Variants in SUPT3H observed in about 807,000 individuals in gnomAD.
SUPT3H encodes SPT3 homolog, SAGA and STAGA complex component, also known as transcription initiation protein SPT3 homolog.
A neutral mutation model predicts 44.3 loss-of-function variants in SUPT3H; 44 were observed. That is an observed-to-expected ratio of 0.99 (90% CI 0.78 to 1.28). The LOEUF (loss-of-function observed/expected upper bound fraction) is 1.28. Among genes scored for constraint, SUPT3H ranks in the 50% most tolerant of loss-of-function variants. The pLI, the probability that SUPT3H is intolerant of heterozygous loss-of-function variation, is 0.00. For synonymous variants in SUPT3H, 124 were observed against 125.6 expected (o/e 0.99, Z 0.09); for missense variants, 380 against 387.1 (o/e 0.98, Z 0.15).
At position 44,998,953 on chromosome 6, in the gene SUPT3H, C is replaced by G. The variant is rs141287652; in HGVS notation, c.504+4700G>C. ...TGTTTAATTTTATATGGACTTTTCT[C>G]GTTGTTACTATCTAAACAGTCTGTG... On this transcript the variant is annotated intron_variant, in intron 6 of 10. Transcript: ENST00000371459. 4.1e-4 allele frequency among the ~76,000 whole-genome samples: 62 copies of G among 151,972 alleles called. No homozygotes were observed. In the Middle Eastern group the frequency reaches 0.01, roughly 25 times the overall value.
intron 2 of SUPT3H, among the ~76,000 whole-genome samples, chr6:45,291,189 AAG>A (rs1282940145): frequency 1.3e-5 from 2 of 152,196 alleles, no homozygotes; most frequent in African/African-American, 4.8e-5. Flanking sequence ...CTAGATCCAG[AAG>A]AGAGATAATC....
intron 10 of SUPT3H, among the ~76,000 whole-genome samples, chr6:44,834,450 G>C (rs981424939): frequency 6.6e-6 from 1 of 152,074 alleles, no homozygotes; most frequent in Non-Finnish European, 1.5e-5. Flanking sequence ...GCCACTGTTA[G>C]GAGCACAGTC....
At chr6:44,950,193 A>G (rs1331319128) in intron 9 of SUPT3H, among the ~76,000 whole-genome samples, 1 of 152,138 alleles carries the variant, frequency 6.6e-6, no homozygotes, top group Non-Finnish European at 1.5e-5. Context: ...ACTACAAGAA[A>G]TGTTTTTCAG....
chr6:44,976,525 C>G (rs1049529848), intron 6 of SUPT3H, among the ~76,000 whole-genome samples: 3 of 151,980 alleles, frequency 2.0e-5, no homozygotes, highest in Non-Finnish European at 2.9e-5. Flanking sequence ...CCATGCCTGG[C>G]TAATTTTTTG....
At chr6:45,105,006 T>A (rs1799075781) in intron 3 of SUPT3H, among the ~76,000 whole-genome samples, 1 of 151,898 alleles carries the variant, frequency 6.6e-6, no homozygotes, top group African/African-American at 2.4e-5. Context: ...TTAGCCCTAA[T>A]AATCATTAAA....
At chr6:45,269,107 T>C (rs927513694) in intron 2 of SUPT3H, among the ~76,000 whole-genome samples, 1 of 152,066 alleles carries the variant, frequency 6.6e-6, no homozygotes, top group African/African-American at 2.4e-5. Context: ...AAGAAAGAAA[T>C]TTGAGCAGCA....
intron 3 of SUPT3H, among the ~76,000 whole-genome samples, chr6:45,089,541 C>T (rs1796883915): frequency 6.6e-6 from 1 of 152,058 alleles, no homozygotes; most frequent in South Asian, 2.1e-4. Context: ...CAAATCTGTG[C>T]TTTCTGACCT....
chr6:45,123,813 G>GT lies in SUPT3H; in HGVS notation c.102-17808dup, dbSNP rs1802017529. ...TGACAGTCCATAGATGAATGAATGT[G>GT]TATAGCTATGCTGCACTAAAACTTA... On this transcript the variant is annotated intron_variant, in intron 2 of 10. Transcript: ENST00000371459. Among the ~76,000 whole-genome samples, 4 of 152,280 alleles carry GT rather than the reference G, an allele frequency of 2.6e-5. No homozygotes were observed. In the South Asian group the frequency reaches 8.3e-4, roughly 32 times the overall value.
intron 2 of SUPT3H, among the ~76,000 whole-genome samples, chr6:45,245,817 G>A (rs1056783562): frequency 6.6e-6 from 1 of 152,022 alleles, no homozygotes; most frequent in South Asian, 2.1e-4. Flanking sequence ...ACAATAGCTG[G>A]ATCATGTGGT....
intron 6 of SUPT3H, among the ~76,000 whole-genome samples, chr6:44,964,736 AT>A (rs2153479368): frequency 1.3e-5 from 2 of 152,280 alleles, no homozygotes; most frequent in South Asian, 4.1e-4. Flanking sequence ...ACCCTAGGGT[AT>A]ATATAAGAAG....
At chr6:45,098,705 C>A in intron 3 of SUPT3H, 1 of 394,014 alleles carries the variant, frequency 2.5e-6, no homozygotes. Flanking sequence ...GGTTATCCTC[C>A]CCATATGTTG....
In SUPT3H at chr6:45,341,953, A is replaced by T. The variant is rs532069624; in HGVS notation, c.101+23248T>A. 5.9e-5 allele frequency among the ~76,000 whole-genome samples: 9 copies of T among 152,326 alleles called. No homozygotes were observed. In the East Asian group the frequency reaches 1.7e-3, roughly 29 times the overall value. On this transcript the variant is annotated intron_variant, in intron 2 of 10. Coordinates refer to ENST00000371459, the MANE Select transcript of SUPT3H (RefSeq NM_003599.4). ...AGAACAGTCAACCAAAACAGCAGAGAATAAATTCACAAATAACATGGTGAT... is the reference window on the plus strand; with the variant it reads ...AGAACAGTCAACCAAAACAGCAGAGTATAAATTCACAAATAACATGGTGAT...
At chr6:44,951,147 G>A (rs1020893081) in intron 9 of SUPT3H, among the ~76,000 whole-genome samples, 3 of 150,824 alleles carry the variant, frequency 2.0e-5, no homozygotes, top group Non-Finnish European at 2.9e-5. Flanking sequence ...GAGTCCTAGA[G>A]TATTATCCTA....
chr6:44,825,684 G>C (rs1767691921), downstream of SUPT3H, among the ~76,000 whole-genome samples: 1 of 152,114 alleles, frequency 6.6e-6, no homozygotes, highest in African/African-American at 2.4e-5. Context: ...TTATGTCATA[G>C]CTTATTAAAA....
intron 4 of SUPT3H, among the ~76,000 whole-genome samples, chr6:45,019,251 A>T (rs893202637): frequency 6.6e-6 from 1 of 151,682 alleles, no homozygotes; most frequent in Non-Finnish European, 1.5e-5. Flanking sequence ...TTTCTTTATT[A>T]GTCTTGCTAG....
intron 2 of SUPT3H, among the ~76,000 whole-genome samples, chr6:45,218,637 G>C (rs956983356): frequency 6.6e-6 from 1 of 152,206 alleles, no homozygotes; most frequent in South Asian, 2.1e-4. Flanking sequence ...GGGAAGCTGA[G>C]GCAGGAGAAT....
chr6:44,882,518 C>T (rs570778), intron 10 of SUPT3H, among the ~76,000 whole-genome samples: 7,781 of 152,216 alleles, frequency 0.051, 261 homozygotes, highest in South Asian at 0.13. Flanking sequence ...AGAGGGACTC[C>T]TCCTTAAATC....
intron 9 of SUPT3H, among the ~76,000 whole-genome samples, chr6:44,936,141 C>A (rs1229700702): frequency 6.6e-6 from 1 of 152,198 alleles, no homozygotes; most frequent in African/African-American, 2.4e-5. Context: ...TTGATATGAT[C>A]TGGCCAAGGA....
chr6:44,854,546 G>A (rs1266976159), intron 10 of SUPT3H, among the ~76,000 whole-genome samples: 1 of 152,132 alleles, frequency 6.6e-6, no homozygotes, highest in Non-Finnish European at 1.5e-5. Context: ...TCTCTGCTGA[G>A]GTTCCTTCTC....
Sources: gnomAD v4.1 joint callset for allele counts (sites outside exome capture counted in the v4.1 genomes callset) on GRCh38, gnomAD v4.1.1 for gene constraint, MANE v1.5 for transcripts, NCBI Gene and HGNC (gene_info 2026-07-23, HGNC 2026-07-21) for gene names.